Variants in ZNF587B observed in about 807,000 individuals in gnomAD.
The protein encoded by ZNF587B is zinc finger protein 587B.
ZNF587B carries 6 observed loss-of-function variants against 7.2 expected under a neutral mutation model. The ratio of observed to expected loss-of-function variants is 0.83; its 90% confidence interval spans 0.46 to 1.65. The LOEUF (loss-of-function observed/expected upper bound fraction) is 1.65, where lower values mean the gene tolerates loss of function less well. ZNF587B is among the 40% of genes most tolerant of loss of function. The pLI, the probability that ZNF587B is intolerant of heterozygous loss-of-function variation, is 0.01. For missense variants in ZNF587B, 749 were observed against 761.0 expected, an observed-to-expected ratio of 0.98 and a Z score of 0.19; for synonymous variants, 274 against 254.3, an observed-to-expected ratio of 1.08 and a Z score of -0.74.
In ZNF587B at chr19:57,843,649, T is replaced by A; in HGVS notation, c.*1073T>A. ...GACAAAGTTTCACTGTCACCGATAC[T>A]GGAGTGCAGTGGTGTGATCCTGGTT... On this transcript the variant is annotated 3_prime_UTR_variant, in exon 3 of 3. Transcript: ENST00000594901. The A allele has an allele frequency of 1.3e-6, 1 of 785,844 alleles. No individual in the cohort carries two copies. Among genetic ancestry groups the A allele is most frequent in the East Asian group, 1.5e-4 (1 of 6,796 alleles). The allele number at this position is 785,844 out of a possible 1,614,324, so 48.7% of individuals were successfully genotyped here.
intron 2 of ZNF587B, among the ~76,000 whole-genome samples, chr19:57,839,624 G>T (rs1390736463): frequency 6.6e-6 from 1 of 152,166 alleles, no homozygotes; most frequent in Non-Finnish European, 1.5e-5. Flanking sequence ...CTGAGACAAT[G>T]TTGGCTGTTC....
Position 57,841,850 on chromosome 19 carries a change from T to C in ZNF587B, c.1176T>C (p.Ile392=). 6.2e-7 allele frequency: 1 copy of C among 1,612,746 alleles called. No homozygotes were observed. Among genetic ancestry groups the C allele is most frequent in the Non-Finnish European group, 8.5e-7 (1 of 1,179,512 alleles). ...GTGGAGAATGTGGGAAATCTTATATTTCAAAGGGGCACCTTAGGATCCATC... is the reference window on the plus strand; with the variant it reads ...GTGGAGAATGTGGGAAATCTTATATCTCAAAGGGGCACCTTAGGATCCATC... ...YKCGECGKSY[I]SKGHLRIHQR... The change falls in exon 3 of 3, where the codon ATT becomes ATC. Residue 392 remains isoleucine, a synonymous_variant. Transcript: ENST00000594901.
Position 57,842,979 on chromosome 19 carries a change from T to TA in ZNF587B, c.*404dup. On this transcript the variant is annotated 3_prime_UTR_variant, in exon 3 of 3. Transcript: ENST00000594901. ...AAACACTGTAGATGTATAGGTTAGA[T>TA]ATATAGGGAATGTTATTATTTTTTC... 2 of 985,070 alleles carry TA rather than the reference T, an allele frequency of 2.0e-6. No homozygotes were observed. Among genetic ancestry groups the TA allele is most frequent in the Non-Finnish European group, 2.4e-6 (2 of 829,680 alleles). 61.0% of individuals were successfully genotyped at this position (985,070 alleles called of 1,614,324 possible).
At position 57,843,706 on chromosome 19, in the gene ZNF587B, A is replaced by G; in HGVS notation, c.*1130A>G. On this transcript the variant is annotated 3_prime_UTR_variant, in exon 3 of 3. Coordinates refer to ENST00000594901, the MANE Select transcript of ZNF587B (RefSeq NM_001376223.1). ...AACCTCTGCCTCCTGAGTTCAAGCA[A>G]TTCTCCTTTCTCAGCCTCCTGAGTA... 2.2e-6 allele frequency: 1 copy of G among 451,904 alleles called. No individual in the cohort carries two copies. Among genetic ancestry groups the G allele is most frequent in the South Asian group, 9.5e-5 (1 of 10,500 alleles). The allele number at this position is 451,904 out of a possible 1,614,324, so 28.0% of individuals were successfully genotyped here.
At position 57,842,649 on chromosome 19, in the gene ZNF587B, A is replaced by G. The variant is rs1419733615; in HGVS notation, c.*73A>G. On this transcript the variant is annotated 3_prime_UTR_variant, in exon 3 of 3. Coordinates refer to ENST00000594901, the MANE Select transcript of ZNF587B (RefSeq NM_001376223.1). ...TGAGTAAGATCTTGTGATTGCAGCAAATGTGGAAAATGTTTACCCAAAAGA... is the reference window on the plus strand; with the variant it reads ...TGAGTAAGATCTTGTGATTGCAGCAGATGTGGAAAATGTTTACCCAAAAGA... 3.0e-6 allele frequency: 4 copies of G among 1,345,484 alleles called. No homozygotes were observed. Among genetic ancestry groups the G allele is most frequent in the Non-Finnish European group, 2.9e-6 (3 of 1,051,556 alleles). The allele number at this position is 1,345,484 out of a possible 1,614,324, so 83.3% of individuals were successfully genotyped here. A position where few individuals can be genotyped will look rare whatever the true frequency, so the allele number is the denominator to read the frequency against.
intron 1 of ZNF587B, among the ~76,000 whole-genome samples, chr19:57,837,317 C>T (rs1311932292): frequency 2.0e-5 from 3 of 150,882 alleles, no homozygotes; most frequent in South Asian, 2.1e-4. Flanking sequence ...AGTGCAATGG[C>T]GCGATCTTGA....
At chr19:57,831,097 C>T (rs892356348) in intron 1 of ZNF587B, among the ~76,000 whole-genome samples, 1 of 152,108 alleles carries the variant, frequency 6.6e-6, no homozygotes, top group African/African-American at 2.4e-5. Flanking sequence ...GGATATAGCT[C>T]GCCACAGTAT....
At position 57,841,767 on chromosome 19, in the gene ZNF587B, C is replaced by T. The variant is rs762793496; in HGVS notation, c.1093C>T (p.Arg365Trp). The change falls in exon 3 of 3, where the codon CGG (arginine) becomes TGG (tryptophan). Residue 365 changes from arginine (R) to tryptophan (W), a missense_variant. By Grantham distance (101) the Arg-to-Trp change is moderately radical. Coordinates refer to ENST00000594901, the MANE Select transcript of ZNF587B (RefSeq NM_001376223.1). ...KCGECEKSFS[R>W]KPSLSYHQRI... ...TGGAGAATGTGAGAAATCTTTTAGTCGGAAGCCCAGCCTTAGTTACCATCA... is the reference window on the plus strand; with the variant it reads ...TGGAGAATGTGAGAAATCTTTTAGTTGGAAGCCCAGCCTTAGTTACCATCA... The T allele has an allele frequency of 1.5e-5, 24 of 1,607,918 alleles. No homozygotes were observed. The highest frequency in any genetic ancestry group is 6.8e-5 in the Admixed American group (4 of 59,208).
Position 57,842,457 on chromosome 19 carries a change from A to C in ZNF587B, c.1783A>C (p.Asn595His), listed in dbSNP as rs746475711. 4.4e-6 allele frequency: 7 copies of C among 1,601,848 alleles called. No individual in the cohort carries two copies. The highest frequency in any genetic ancestry group is 6.0e-6 in the Non-Finnish European group (7 of 1,175,166). Residue 595 changes from asparagine (N) to histidine (H), a missense_variant, in exon 3 of 3, where the codon AAT (asparagine) becomes CAT (histidine). Coordinates refer to ENST00000594901, the MANE Select transcript of ZNF587B (RefSeq NM_001376223.1). ...TTTTGCTGGAATCTCCAGTCTCACT[A>C]ATCACAGGAGAGTTCACACTGGAGA... Reference protein sequence around the residue: ...KSFAGISSLTNHRRVHTGEKP... With the variant: ...KSFAGISSLTHHRRVHTGEKP...
At position 57,830,374 on chromosome 19, in the gene ZNF587B, G is replaced by C; in HGVS notation, c.-155G>C. 1.4e-6 allele frequency: 1 copy of C among 723,932 alleles called. No homozygotes were observed. Among genetic ancestry groups the C allele is most frequent in the Non-Finnish European group, 2.3e-6 (1 of 443,340 alleles). 44.8% of individuals were successfully genotyped at this position (723,932 alleles called of 1,614,324 possible). On this transcript the variant is annotated 5_prime_UTR_variant, in exon 1 of 3. Transcript: ENST00000594901. Reference sequence around the variant, plus strand: ...ACTGCGGTGACTGAACCCAGAAGGCGGAGAACAGTTGTCCTCTGCTGCACA... The same window carrying C: ...ACTGCGGTGACTGAACCCAGAAGGCCGAGAACAGTTGTCCTCTGCTGCACA...
intron 1 of ZNF587B, among the ~76,000 whole-genome samples, chr19:57,837,694 C>T (rs1194400846): frequency 6.6e-6 from 1 of 151,992 alleles, no homozygotes; most frequent in Non-Finnish European, 1.5e-5. Flanking sequence ...GTCATCTGCC[C>T]GTCTCAGCCT....
At position 57,840,115 on chromosome 19, in the gene ZNF587B, A is replaced by G. The variant is rs112607742; in HGVS notation, c.164-723A>G. 1.0e-3 allele frequency among the ~76,000 whole-genome samples: 147 copies of G among 142,658 alleles called. 1 individual carries two copies. The highest frequency in any genetic ancestry group is 3.4e-3 in the African/African-American group (131 of 38,210). 93.6% of individuals were successfully genotyped at this position (142,658 alleles called of 152,430 possible). On this transcript the variant is annotated intron_variant, in intron 2 of 2. Coordinates refer to ENST00000594901, the MANE Select transcript of ZNF587B (RefSeq NM_001376223.1). ...AAAAAAAAAAAAAAAAAAAAAAAGC[A>G]GCACCCTGGAGGAGGTCATGGAGTC...
rs773277008 is a variant in ZNF587B, at chr19:57,841,685, A to T, written c.1011A>T (p.Ser337=). The T allele has an allele frequency of 6.2e-7, 1 of 1,605,770 alleles. No individual in the cohort carries two copies. The highest frequency in any genetic ancestry group is 1.7e-5 in the Admixed American group (1 of 58,272). ...GAGAATGTGGGAAATCTTTTAGTTCAAACGTGAACCTTAAGAGTCATCAGC... is the reference window on the plus strand; with the variant it reads ...GAGAATGTGGGAAATCTTTTAGTTCTAACGTGAACCTTAAGAGTCATCAGC... ...ECGECGKSFS[S]NVNLKSHQRI... is the part of the protein sequence containing the mutation. Residue 337 remains serine (S), a synonymous_variant, in exon 3 of 3, where the codon TCA becomes TCT. Coordinates refer to ENST00000594901, the MANE Select transcript of ZNF587B (RefSeq NM_001376223.1).
chr19:57,840,389 T>C (rs1296178281), intron 2 of ZNF587B, among the ~76,000 whole-genome samples: 2 of 152,178 alleles, frequency 1.3e-5, no homozygotes, highest in African/African-American at 4.8e-5. Flanking sequence ...CCATTTTACA[T>C]ATGTCACCAT....
chr19:57,842,888 G>C lies in ZNF587B; in HGVS notation c.*312G>C, dbSNP rs912725299. The stretch of plus-strand genomic sequence containing the variant: ...AGCTGTCACTACGGAAATGCCTTTT[G>C]AATGTAATGTTTGCAAAAAAGCACT... On this transcript the variant is annotated 3_prime_UTR_variant, in exon 3 of 3. Coordinates refer to ENST00000594901, the MANE Select transcript of ZNF587B (RefSeq NM_001376223.1). 5.1e-6 allele frequency: 5 copies of C among 985,408 alleles called. No homozygotes were observed. The highest frequency in any genetic ancestry group is 6.0e-6 in the Non-Finnish European group (5 of 829,944). 61.0% of individuals were successfully genotyped at this position (985,408 alleles called of 1,614,324 possible). A position where few individuals can be genotyped will look rare whatever the true frequency, so the allele number is the denominator to read the frequency against.
intron 1 of ZNF587B, 38 bp from the exon 2 acceptor site, chr19:57,838,985 G>A (rs1356606909): frequency 6.2e-7 from 1 of 1,605,168 alleles, no homozygotes; most frequent in East Asian, 2.2e-5. Context: ...CCTCAGCATA[G>A]GGGTGGTTTG....
chr19:57,842,332 G>T lies in ZNF587B; in HGVS notation c.1658G>T (p.Ser553Ile). 6.2e-7 allele frequency: 1 copy of T among 1,607,874 alleles called. No homozygotes were observed. Among genetic ancestry groups the T allele is most frequent in the Non-Finnish European group, 8.5e-7 (1 of 1,177,088 alleles). ...VHTGQKPYEC[S>I]ECGKSFAASS... Reference sequence around the variant, plus strand: ...ACTGGTCAGAAGCCTTATGAGTGCAGTGAATGTGGGAAATCTTTTGCTGCA... The same window carrying T: ...ACTGGTCAGAAGCCTTATGAGTGCATTGAATGTGGGAAATCTTTTGCTGCA... Residue 553 changes from serine (S) to isoleucine (I), a missense_variant, in exon 3 of 3, where the codon AGT (serine) becomes ATT (isoleucine). Physicochemically the swap from Ser to Ile is moderately radical, Grantham distance 142. Around this residue, in one of 3 missense-constraint regions of ZNF587B, gnomAD observed 656 missense variants for 596.5 expected, o/e 1.10. Transcript: ENST00000594901.
At position 57,830,540 on chromosome 19, in the gene ZNF587B, G is replaced by A; in HGVS notation, c.12G>A (p.Val4=). The change falls in exon 1 of 3, where the codon GTG becomes GTA. Residue 4 remains valine, a synonymous_variant. Coordinates refer to ENST00000594901, the MANE Select transcript of ZNF587B (RefSeq NM_001376223.1). The stretch of plus-strand genomic sequence containing the variant: ...AACCACGTGGTTCGATGGCGGTGGT[G>A]GCCACGCTGAGGCTCTCTGCTCAGG... MAV[V]ATLRLSAQGT... is the part of the protein sequence containing the mutation. 6.5e-7 allele frequency: 1 copy of A among 1,549,660 alleles called. No individual in the cohort carries two copies.
intron 2 of ZNF587B, 105 bp from the exon 3 acceptor site, chr19:57,840,733 G>A (rs1053163428): frequency 5.6e-6 from 9 of 1,607,218 alleles, no homozygotes; most frequent in Non-Finnish European, 7.6e-6. Context: ...GTTCCTCCAA[G>A]TAGTTCCTTG....
Sources: gnomAD v4.1 joint callset for allele counts (sites outside exome capture counted in the v4.1 genomes callset) on GRCh38, gnomAD v4.1.1 for gene constraint, gnomAD v4.1.1 regional missense constraint, MANE v1.5 for transcripts, NCBI Gene and HGNC (gene_info 2026-07-23, HGNC 2026-07-21) for gene names.